Variants in METTL15 observed in about 807,000 individuals in gnomAD.
METTL15 encodes the protein methyltransferase 15, mitochondrial 12S rRNA N4-cytidine.
METTL15 carries 34 observed loss-of-function variants against 38.3 expected under a neutral mutation model. The ratio of observed to expected loss-of-function variants is 0.89; its 90% CI spans 0.68 to 1.18. The LOEUF is 1.18. Ranked by LOEUF, METTL15 falls within the 50% of genes most tolerant of loss-of-function variation. The pLI, the probability that METTL15 is intolerant of heterozygous loss-of-function variation, is 0.00. For synonymous variants in METTL15, 162 were observed against 170.9 expected (o/e 0.95, Z 0.41); for missense variants, 438 against 498.4 (o/e 0.88, Z 1.15).
At chr11:28,350,908 C>G (rs555285801) in intron 3 of METTL15, among the ~76,000 whole-genome samples, 1 of 152,264 alleles carries the variant, frequency 6.6e-6, no homozygotes, top group East Asian at 1.9e-4. Flanking sequence ...TATATTTATG[C>G]TAGGTCACTG....
intron 6 of METTL15, among the ~76,000 whole-genome samples, chr11:28,518,168 T>TA (rs532237885): frequency 3.3e-5 from 5 of 150,812 alleles, no homozygotes; most frequent in Admixed American, 1.3e-4. Flanking sequence ...GAGAAAGGTT[T>TA]AAAAAAAAAG....
At chr11:28,147,286 T>C (rs1294516686) in intron 3 of METTL15, among the ~76,000 whole-genome samples, 1 of 151,864 alleles carries the variant, frequency 6.6e-6, no homozygotes, top group Non-Finnish European at 1.5e-5. Flanking sequence ...TTTAGTGTGC[T>C]GTCTAGTGCC....
At chr11:28,310,590 A>G (rs895389175) in intron 6 of METTL15, among the ~76,000 whole-genome samples, 6 of 152,180 alleles carry the variant, frequency 3.9e-5, no homozygotes, top group Admixed American at 3.9e-4. Flanking sequence ...AGCTTTACTA[A>G]TTACATCATT....
At chr11:28,291,567 T>G (rs1050011146) in intron 5 of METTL15, among the ~76,000 whole-genome samples, 1 of 152,140 alleles carries the variant, frequency 6.6e-6, no homozygotes, top group Non-Finnish European at 1.5e-5. Context: ...TTAACTTGGC[T>G]TGTGACCTGT....
rs546928785 is a variant in METTL15 at position 28,392,079 on chromosome 11, A to G, written c.*358+30043A>G. On this transcript the variant is annotated intron_variant and NMD_transcript_variant, in intron 5 of 7. Coordinates refer to the METTL15 transcript ENST00000532947. ...CAATCTACTCTTCAGACAAAGGGCT[A>G]ATATCCAGAATCTACTATGAACTCA... Among the ~76,000 whole-genome samples the G allele has an allele frequency of 1.3e-4, 20 of 152,318 alleles. No homozygotes were observed. In the East Asian group the frequency reaches 3.7e-3, roughly 28 times the overall value.
Position 28,274,034 on chromosome 11 carries a change from A to G in METTL15, c.408-16172A>G, listed in dbSNP as rs201296991. Among the ~76,000 whole-genome samples, 24 of 152,218 alleles carry G rather than the reference A, an allele frequency of 1.6e-4. No individual in the cohort carries two copies. In the East Asian group the frequency reaches 4.6e-3, roughly 29 times the overall value. On this transcript the variant is annotated intron_variant, in intron 4 of 6. Transcript: ENST00000407364. The stretch of plus-strand genomic sequence containing the variant: ...TGCATATTCTTTTAAAATGAGAAAT[A>G]ATACACAGTATTCACAGGAATAAAA...
chr11:28,460,900 G>C (rs1851208319), intron 6 of METTL15, among the ~76,000 whole-genome samples: 1 of 152,060 alleles, frequency 6.6e-6, no homozygotes, highest in Non-Finnish European at 1.5e-5. Context: ...ACTTGGAAAA[G>C]TTCACAGTAG....
intron 6 of METTL15, among the ~76,000 whole-genome samples, chr11:28,432,560 GAGAA>G (rs1850941580): frequency 6.6e-6 from 1 of 152,208 alleles, no homozygotes; most frequent in Admixed American, 6.5e-5. Context: ...ATAGAAAAAC[GAGAA>G]AGAGTTTTAG....
At chr11:28,220,930 A>G (rs997217268) in intron 4 of METTL15, among the ~76,000 whole-genome samples, 3 of 152,130 alleles carry the variant, frequency 2.0e-5, no homozygotes, top group African/African-American at 4.8e-5. Flanking sequence ...GGAGAGATCA[A>G]CTGTTAGTCT....
chr11:28,165,282 T>A (rs890556602), intron 3 of METTL15, among the ~76,000 whole-genome samples: 6 of 152,146 alleles, frequency 3.9e-5, no homozygotes, highest in African/African-American at 1.4e-4. Flanking sequence ...ATGGTTGTAT[T>A]AATTTATCTT....
At chr11:28,354,584 T>C (rs2133363833) in intron 4 of METTL15, among the ~76,000 whole-genome samples, 1 of 152,254 alleles carries the variant, frequency 6.6e-6, no homozygotes, top group East Asian at 1.9e-4. Flanking sequence ...GATCTGGCAG[T>C]ATGGCTTGAG....
chr11:28,524,851 G>A (rs536381407), intron 6 of METTL15, among the ~76,000 whole-genome samples: 7 of 152,316 alleles, frequency 4.6e-5, no homozygotes, highest in Admixed American at 4.6e-4. Flanking sequence ...CTTCAAGAAT[G>A]AAGCCGCGGA....
At chr11:28,157,471 C>T (rs541916096) in intron 3 of METTL15, among the ~76,000 whole-genome samples, 5 of 152,190 alleles carry the variant, frequency 3.3e-5, no homozygotes, top group African/African-American at 4.8e-5. Context: ...CAGAGGATGC[C>T]GCTAGGATTT....
intron 6 of METTL15, among the ~76,000 whole-genome samples, chr11:28,324,172 G>C (rs1175994741): frequency 6.6e-6 from 1 of 152,104 alleles, no homozygotes; most frequent in Admixed American, 6.6e-5. Flanking sequence ...TTGAAGAATT[G>C]AGAAAATTTG....
Position 28,392,851 on chromosome 11 carries a change from T to C in METTL15, c.*358+30815T>C, listed in dbSNP as rs78770996. On this transcript the variant is annotated intron_variant and NMD_transcript_variant, in intron 5 of 7. Coordinates refer to the METTL15 transcript ENST00000532947. ...TTAAAAACTGGGGAAAGTCCTTGAATAGACATTTCTCCAAAGAAGATATAC... is the reference window on the plus strand; with the variant it reads ...TTAAAAACTGGGGAAAGTCCTTGAACAGACATTTCTCCAAAGAAGATATAC... 1.1e-3 allele frequency among the ~76,000 whole-genome samples: 171 copies of C among 152,212 alleles called. 2 individuals carry two copies. The East Asian group carries it at 0.027, about 24-fold the overall frequency.
intron 4 of METTL15, among the ~76,000 whole-genome samples, chr11:28,255,263 T>A (rs1398957473): frequency 6.6e-6 from 1 of 152,218 alleles, no homozygotes; most frequent in Non-Finnish European, 1.5e-5. Flanking sequence ...CTTTTTCAGA[T>A]AGTTTTCTAT....
intron 3 of METTL15, among the ~76,000 whole-genome samples, chr11:28,193,819 C>G (rs1258177818): frequency 1.3e-5 from 2 of 152,066 alleles, no homozygotes; most frequent in Admixed American, 1.3e-4. Flanking sequence ...ATATCACTCC[C>G]CTTGGCACAG....
rs1405463997 is a variant in METTL15 at position 28,331,862 on chromosome 11, G to A, written c.*1021G>A. On this transcript the variant is annotated 3_prime_UTR_variant, in exon 7 of 7. Transcript: ENST00000407364. Reference sequence around the variant, plus strand: ...ATTGTGACCTGAAAGATGAGTTGGAGATAATTAGTCAAAGGGCACATGGAG... The same window carrying A: ...ATTGTGACCTGAAAGATGAGTTGGAAATAATTAGTCAAAGGGCACATGGAG... 6.6e-6 allele frequency: 1 copy of A among 152,034 alleles called. No individual in the cohort carries two copies. The highest frequency in any genetic ancestry group is 1.5e-5 in the Non-Finnish European group (1 of 67,976). The allele number at this position is 152,034 out of a possible 1,614,324, so 9.4% of individuals were successfully genotyped here. A position where few individuals can be genotyped will look rare whatever the true frequency, so the allele number is the denominator to read the frequency against.
intron 5 of METTL15, among the ~76,000 whole-genome samples, chr11:28,364,162 G>A (rs1366998366): frequency 6.6e-6 from 1 of 152,028 alleles, no homozygotes; most frequent in African/African-American, 2.4e-5. Context: ...TTGGCTATTT[G>A]GGCTCTATTT....
Sources: allele counts gnomAD v4.1 joint callset (sites outside exome capture counted in the v4.1 genomes callset), GRCh38; gene constraint gnomAD v4.1.1; transcripts MANE v1.5; gene names NCBI Gene and HGNC (gene_info 2026-07-23, HGNC 2026-07-21).